VWA8: variants seen among roughly 807,000 people sequenced by gnomAD.
The protein encoded by VWA8 is von Willebrand factor A domain containing 8, also known as von Willebrand factor A domain-containing protein 8.
A neutral mutation model predicts 241.5 loss-of-function variants in VWA8; 221 were observed. The ratio of observed to expected loss-of-function variants is 0.91; its 90% CI spans 0.82 to 1.02. The LOEUF (loss-of-function observed/expected upper bound fraction) is 1.02, where lower values mean the gene tolerates loss of function less well. Ranked by LOEUF, VWA8 falls within the 50% of genes least tolerant of loss-of-function variation. The pLI is 0.00. For missense variants in VWA8, 2,322 were observed against 2,328.7 expected (o/e 1.00, Z 0.06); for synonymous variants, 852 against 827.1 (o/e 1.03, Z -0.52).
At chr13:41,753,621 C>T (rs952903753) in intron 21 of VWA8, among the ~76,000 whole-genome samples, 4 of 152,132 alleles carry the variant, frequency 2.6e-5, no homozygotes, top group African/African-American at 7.2e-5. Context: ...CCATGAATTG[C>T]CCAGCTTGCT....
intron 37 of VWA8, among the ~76,000 whole-genome samples, chr13:41,637,609 G>A (rs939268632): frequency 6.6e-6 from 1 of 151,772 alleles, no homozygotes; most frequent in African/African-American, 2.4e-5. Context: ...AAGAACATCA[G>A]GAAGAAATGT....
rs1485692588 is a variant in VWA8, at chr13:41,611,644, C to T, written c.4809G>A (p.Glu1603=). 5 of 1,614,010 alleles carry T rather than the reference C, an allele frequency of 3.1e-6. No individual in the cohort carries two copies. In the Admixed American group the frequency reaches 5.0e-5, roughly 16 times the overall value. Residue 1603 remains glutamate (E), a synonymous_variant, in exon 39 of 45, where the codon GAG becomes GAA. Transcript: ENST00000379310. ...TGACCTCTTCGGGAACTGCATCTTT[C>T]TCAGCCTGAGAGACCTGGTACACCG... ...GHTVYQVSQA[E]KDAVPEEVKR... is the part of the protein sequence containing the mutation.
chr13:41,856,297 C>T (rs1661767804), intron 12 of VWA8, among the ~76,000 whole-genome samples: 1 of 152,168 alleles, frequency 6.6e-6, no homozygotes, highest in South Asian at 2.1e-4. Flanking sequence ...GATCGCACCA[C>T]CGCACTCTAG....
intron 12 of VWA8, among the ~76,000 whole-genome samples, chr13:41,844,956 TAAAATGACCATACTGCCCA>T (rs1325895732): frequency 6.6e-6 from 1 of 152,116 alleles, no homozygotes; most frequent in East Asian, 1.9e-4. Flanking sequence ...TAAATATTGT[TAAAATGACCATACTGCCCA>T]AAGCAATTTA....
chr13:41,826,880 A>G (rs542324214), intron 14 of VWA8, among the ~76,000 whole-genome samples: 7 of 152,286 alleles, frequency 4.6e-5, no homozygotes, highest in African/African-American at 1.7e-4. Flanking sequence ...TCTCAAAAAA[A>G]GATAAAAAAA....
At chr13:41,870,713 T>G (rs941327268) in intron 9 of VWA8, among the ~76,000 whole-genome samples, 1 of 151,364 alleles carries the variant, frequency 6.6e-6, no homozygotes, top group Non-Finnish European at 1.5e-5. Flanking sequence ...TGAGCTTAAA[T>G]GTATGTTTTC....
intron 37 of VWA8, among the ~76,000 whole-genome samples, chr13:41,655,714 T>TA (rs1409447545): frequency 6.6e-6 from 1 of 152,222 alleles, no homozygotes; most frequent in African/African-American, 2.4e-5. Context: ...ATATTAGTGA[T>TA]ATCTTCCTCA....
intron 43 of VWA8, among the ~76,000 whole-genome samples, chr13:41,573,579 T>C (rs2044329042): frequency 1.5e-5 from 2 of 132,584 alleles, no homozygotes; most frequent in Admixed American, 1.6e-4. Flanking sequence ...TATGTATATA[T>C]ATAAAATATA....
At chr13:41,803,224 AG>A (rs751568425) in intron 17 of VWA8, among the ~76,000 whole-genome samples, 4 of 152,354 alleles carry the variant, frequency 2.6e-5, no homozygotes, top group Middle Eastern at 6.8e-3. Flanking sequence ...AGCCCAGGCA[AG>A]GAAGACTACA....
At chr13:41,599,208 A>G (rs1250665595) in intron 40 of VWA8, among the ~76,000 whole-genome samples, 3 of 152,028 alleles carry the variant, frequency 2.0e-5, no homozygotes, top group Non-Finnish European at 4.4e-5. Context: ...TCACATTACT[A>G]CTTAGACTTA....
intron 2 of VWA8, among the ~76,000 whole-genome samples, chr13:41,920,023 C>T (rs1398124245): frequency 1.3e-5 from 2 of 152,126 alleles, no homozygotes; most frequent in African/African-American, 4.8e-5. Context: ...CCCCACCTCC[C>T]GAGGCAGTAG....
At chr13:41,630,883 C>T (rs1425571213) in intron 37 of VWA8, among the ~76,000 whole-genome samples, 1 of 152,160 alleles carries the variant, frequency 6.6e-6, no homozygotes, top group Non-Finnish European at 1.5e-5. Context: ...TGCTCAGTAA[C>T]AGGAAACTAA....
At chr13:41,832,180 C>T (rs76076613) in intron 13 of VWA8, among the ~76,000 whole-genome samples, 3 of 152,148 alleles carry the variant, frequency 2.0e-5, no homozygotes, top group East Asian at 3.9e-4. Context: ...CTGCCCACCT[C>T]GGCCTCCCAA....
intron 37 of VWA8, among the ~76,000 whole-genome samples, chr13:41,633,564 T>C (rs2044738863): frequency 6.6e-6 from 1 of 152,208 alleles, no homozygotes; most frequent in Non-Finnish European, 1.5e-5. Flanking sequence ...CCATTGGAAT[T>C]CACTTTTTGA....
At chr13:41,874,785 T>C (rs1216880365) in intron 9 of VWA8, among the ~76,000 whole-genome samples, 2 of 152,122 alleles carry the variant, frequency 1.3e-5, no homozygotes. Context: ...GCATACCATG[T>C]TGCCTGAACA....
intron 2 of VWA8, among the ~76,000 whole-genome samples, chr13:41,913,351 T>G (rs1876100247): frequency 6.6e-6 from 1 of 152,232 alleles, no homozygotes; most frequent in Non-Finnish European, 1.5e-5. Flanking sequence ...GGTAATATTC[T>G]AGTTTTTACA....
At chr13:41,897,419 G>T (rs1223903238) in intron 4 of VWA8, among the ~76,000 whole-genome samples, 2 of 152,198 alleles carry the variant, frequency 1.3e-5, no homozygotes, top group Non-Finnish European at 1.5e-5. Flanking sequence ...TGATGAGGAT[G>T]TGGAGAAAAG....
intron 39 of VWA8, among the ~76,000 whole-genome samples, chr13:41,606,142 C>T (rs2044552407): frequency 6.6e-6 from 1 of 152,160 alleles, no homozygotes; most frequent in South Asian, 2.1e-4. Flanking sequence ...TATCTCACTT[C>T]ATTCCTCCCT....
intron 17 of VWA8, among the ~76,000 whole-genome samples, chr13:41,801,414 T>C (rs1222532197): frequency 6.6e-6 from 1 of 152,144 alleles, no homozygotes; most frequent in South Asian, 2.1e-4. Flanking sequence ...TCCACTAAAC[T>C]GAGAGGTTAT....
Sources: gnomAD v4.1 joint callset for allele counts (sites outside exome capture counted in the v4.1 genomes callset) on GRCh38, gnomAD v4.1.1 for gene constraint, MANE v1.5 for transcripts, NCBI Gene and HGNC (gene_info 2026-07-23, HGNC 2026-07-21) for gene names.